Variants in TUB observed in about 807,000 individuals in gnomAD.
The protein encoded by TUB is TUB bipartite transcription factor, also known as tubby protein homolog.
TUB carries 33 observed loss-of-function variants against 59.7 expected under a neutral mutation model. The observed-to-expected ratio is 0.55, with a 90% CI of 0.42 to 0.74. The LOEUF is 0.74. Ranked by LOEUF, TUB falls within the 30% of genes least tolerant of loss-of-function variation. The probability of loss-of-function intolerance (pLI) is 0.00; values close to 1 mark genes in which losing one functional copy is unlikely to be tolerated. For synonymous variants in TUB, 293 were observed against 256.4 expected (o/e 1.14, Z -1.36); for missense variants, 659 against 672.0 (o/e 0.98, Z 0.21).
intron 2 of TUB, among the ~76,000 whole-genome samples, chr11:8,065,522 A>G (rs1336641255): frequency 6.6e-6 from 1 of 152,228 alleles, no homozygotes; most frequent in African/African-American, 2.4e-5. Context: ...GCAGTCAAGA[A>G]GATTGAATGA....
chr11:8,055,385 C>T (rs1022444875), intron 2 of TUB, among the ~76,000 whole-genome samples: 1 of 152,208 alleles, frequency 6.6e-6, no homozygotes, highest in Non-Finnish European at 1.5e-5. Context: ...GAGATGGCTT[C>T]CCTGTGCCCA....
intron 2 of TUB, among the ~76,000 whole-genome samples, chr11:8,046,989 C>G (rs1942844704): frequency 6.6e-6 from 1 of 152,180 alleles, no homozygotes; most frequent in Non-Finnish European, 1.5e-5. Context: ...ACACTCAAAG[C>G]CATCCTGGGC....
intron 3 of TUB, among the ~76,000 whole-genome samples, chr11:8,092,488 G>A (rs1444872484): frequency 1.3e-5 from 2 of 152,102 alleles, no homozygotes; most frequent in Non-Finnish European, 2.9e-5. Flanking sequence ...ACCCTCTCTG[G>A]ATCTGTTTCC....
At chr11:8,079,191 A>T (rs1461701838), upstream of TUB, among the ~76,000 whole-genome samples, 1 of 152,142 alleles carries the variant, frequency 6.6e-6, no homozygotes, top group African/African-American at 2.4e-5. Context: ...AACAGCTTCA[A>T]ATTCTTGAAG....
intron 3 of TUB, among the ~76,000 whole-genome samples, chr11:8,090,861 C>T (rs4758041): frequency 0.44 from 66,768 of 151,190 alleles, 18,172 homozygotes; most frequent in Middle Eastern, 0.67. Flanking sequence ...GTTCTCAGGA[C>T]CCTCCTTCCT....
intron 2 of TUB, 66 bp downstream of exon 2, chr11:8,089,727 A>G: frequency 1.9e-6 from 3 of 1,589,866 alleles, no homozygotes; most frequent in Non-Finnish European, 2.6e-6. Flanking sequence ...GCAGAGGGGC[A>G]GGGCTGTCCA....
intron 2 of TUB, among the ~76,000 whole-genome samples, chr11:8,054,800 T>C (rs911838474): frequency 2.6e-5 from 4 of 152,236 alleles, no homozygotes; most frequent in Non-Finnish European, 4.4e-5. Flanking sequence ...TATGTTCCTG[T>C]GTTACTGTCA....
At chr11:8,051,353 G>A (rs1430208594) in intron 2 of TUB, among the ~76,000 whole-genome samples, 1 of 151,938 alleles carries the variant, frequency 6.6e-6, no homozygotes, top group East Asian at 1.9e-4. Context: ...TGTTTTTAAT[G>A]GCTATATAAT....
At chr11:8,029,419 C>CGCTCTTTCTCCCAGGCTGGAGT (rs1942541078) in intron 1 of TUB, among the ~76,000 whole-genome samples, 1 of 138,714 alleles carries the variant, frequency 7.2e-6, no homozygotes, top group Non-Finnish European at 1.5e-5. Context: ...GACAGAGTCT[C>CGCTCTTTCTCCCAGGCTGGAGT]GCTCTTTCTC....
chr11:8,101,859 A>ACGAC lies in TUB; in HGVS notation c.*243_*244insCCGA. The ACGAC allele has an allele frequency of 4.3e-6, 2 of 466,122 alleles. No individual in the cohort carries two copies. The highest frequency in any genetic ancestry group is 7.1e-6 in the Non-Finnish European group (2 of 281,158). The allele number at this position is 466,122 out of a possible 1,614,324, so 28.9% of individuals were successfully genotyped here. On this transcript the variant is annotated 3_prime_UTR_variant, in exon 12 of 12. Transcript: ENST00000299506. Reference sequence around the variant, plus strand: ...GGATGAGAATAATTCTTTCCATGCCACGAGATCAACACACACTCCCACCCT... The same window carrying ACGAC: ...GGATGAGAATAATTCTTTCCATGCCACGACCGAGATCAACACACACTCCCACCCT...
chr11:8,074,678 G>A (rs1326965651), intron 2 of TUB, among the ~76,000 whole-genome samples: 1 of 151,344 alleles, frequency 6.6e-6, no homozygotes, highest in Non-Finnish European at 1.5e-5. Flanking sequence ...GTTCAAGGCT[G>A]CAGTGAGCTA....
chr11:8,032,466 G>A (rs1446761537), intron 1 of TUB, among the ~76,000 whole-genome samples: 1 of 152,198 alleles, frequency 6.6e-6, no homozygotes, highest in Middle Eastern at 3.2e-3. Flanking sequence ...GCAGCAGCCT[G>A]TTTTAAAAAA....
At chr11:8,049,561 GTATA>G (rs372881525) in intron 2 of TUB, among the ~76,000 whole-genome samples, 16 of 124,284 alleles carry the variant, frequency 1.3e-4, no homozygotes, top group South Asian at 2.7e-4. Flanking sequence ...GTATTATGTG[GTATA>G]TATATATATA....
At chr11:8,056,272 A>G (rs1943020004) in intron 2 of TUB, among the ~76,000 whole-genome samples, 2 of 152,094 alleles carry the variant, frequency 1.3e-5, no homozygotes, top group Admixed American at 1.3e-4. Flanking sequence ...AATCCAGGGC[A>G]TGGGCTCAGA....
intron 2 of TUB, among the ~76,000 whole-genome samples, chr11:8,075,289 G>A (rs576651838): frequency 2.0e-5 from 3 of 152,176 alleles, no homozygotes; most frequent in Admixed American, 6.5e-5. Flanking sequence ...GGGCTAAGGC[G>A]CCCATCATCT....
chr11:8,020,181 A>AGTTT (rs963911684), intron 1 of TUB, among the ~76,000 whole-genome samples: 12 of 152,182 alleles, frequency 7.9e-5, no homozygotes, highest in African/African-American at 1.4e-4. Flanking sequence ...AGTAGATAGT[A>AGTTT]GTTTGTTTGT....
chr11:8,034,055 G>A (rs566369780), upstream of TUB, among the ~76,000 whole-genome samples: 2 of 152,340 alleles, frequency 1.3e-5, no homozygotes, highest in East Asian at 3.9e-4. Flanking sequence ...CAAGGGCTGC[G>A]ATGGGCTCTG....
At position 8,098,737 on chromosome 11, in the gene TUB, CTG is replaced by C; in HGVS notation, c.999-20_999-19del. The C allele has an allele frequency of 7.0e-6, 11 of 1,573,642 alleles. No individual in the cohort carries two copies. The highest frequency in any genetic ancestry group is 9.6e-6 in the Non-Finnish European group (11 of 1,143,654). On this transcript the variant is annotated intron_variant, in intron 8 of 11. Transcript: ENST00000299506. ...GGGGCAGAGGGTGCATGACTCTATA[CTG>C]ATTGTGCCTTTATTTCAGGTCCAAC...
intron 1 of TUB, among the ~76,000 whole-genome samples, chr11:8,086,955 G>A (rs1943680827): frequency 6.6e-6 from 1 of 152,226 alleles, no homozygotes; most frequent in Non-Finnish European, 1.5e-5. Flanking sequence ...GGTCACCGAA[G>A]CCTGTGGCTC....
Sources: allele counts gnomAD v4.1 joint callset (sites outside exome capture counted in the v4.1 genomes callset), GRCh38; gene constraint gnomAD v4.1.1; transcripts MANE v1.5; gene names NCBI Gene and HGNC (gene_info 2026-07-23, HGNC 2026-07-21).